The following ZNF141 variants were observed in gnomAD, a reference collection of about 807,000 sequenced individuals.
ZNF141 encodes the protein zinc finger protein 141.
In ZNF141, 7 loss-of-function variants were observed where a neutral mutation model predicts 11.3. The ratio of observed to expected loss-of-function variants is 0.62; its 90% confidence interval spans 0.35 to 1.16. The LOEUF (loss-of-function observed/expected upper bound fraction) is 1.16. Among genes scored for constraint, ZNF141 ranks in the 50% most tolerant of loss-of-function variants. The pLI, the probability that ZNF141 is intolerant of heterozygous loss-of-function variation, is 0.02. For synonymous variants in ZNF141, 183 were observed against 190.7 expected (o/e 0.96, Z 0.33); for missense variants, 535 against 554.0 (o/e 0.97, Z 0.34).
chr4:381,373 T>TA lies in ZNF141; in HGVS notation c.*7512dup, dbSNP rs1477069303. ...TAGAACTAAGAAAGAACCAAAAAGT[T>TA]ACTATTTAATACAGACTTCAAATGT... On this transcript the variant is annotated 3_prime_UTR_variant, in exon 4 of 4. Coordinates refer to ENST00000240499, the MANE Select transcript of ZNF141 (RefSeq NM_003441.4). Among the ~76,000 whole-genome samples the TA allele has an allele frequency of 6.7e-6, 1 of 150,302 alleles. No individual in the cohort carries two copies. Among genetic ancestry groups the TA allele is most frequent in the Non-Finnish European group, 1.5e-5 (1 of 67,742 alleles).
intron 3 of ZNF141, among the ~76,000 whole-genome samples, chr4:365,798 G>A (rs1460878212): frequency 1.3e-5 from 2 of 152,102 alleles, no homozygotes; most frequent in Non-Finnish European, 2.9e-5. Context: ...CTTTATTTGC[G>A]ATTGAGTTTT....
At chr4:352,974 G>C (rs144696470) in intron 3 of ZNF141, among the ~76,000 whole-genome samples, 2,026 of 152,196 alleles carry the variant, frequency 0.013, 31 homozygotes, top group South Asian at 0.087. Flanking sequence ...GAACTTGTGG[G>C]GTCTGTGCTG....
rs552733972 is a variant in ZNF141, at chr4:342,703, T to C, written c.4-1079T>C. On this transcript the variant is annotated intron_variant, in intron 1 of 3. Transcript: ENST00000240499. Reference sequence around the variant, plus strand: ...CAGTTTGAAGAGAAACCATCAGCTGTGTTCTGCCCACAGATCCTGTCCATT... The same window carrying C: ...CAGTTTGAAGAGAAACCATCAGCTGCGTTCTGCCCACAGATCCTGTCCATT... 2.1e-5 allele frequency: 21 copies of C among 980,968 alleles called. No individual in the cohort carries two copies. In the South Asian group the frequency reaches 2.8e-4, roughly 13 times the overall value. 60.8% of individuals were successfully genotyped at this position (980,968 alleles called of 1,614,324 possible).
chr4:369,764 A>ATATTTTTTTTTTTTTTTTTTTTT, intron 3 of ZNF141, among the ~76,000 whole-genome samples: 1 of 48,724 alleles, frequency 2.1e-5, no homozygotes, highest in African/African-American at 1.7e-4. Context: ...ATATATATAT[A>ATATTTTTTTTTTTTTTTTTTTTT]TTTTTTTTTT....
At chr4:348,995 T>C (rs563454634) in intron 3 of ZNF141, among the ~76,000 whole-genome samples, 43 of 152,234 alleles carry the variant, frequency 2.8e-4, no homozygotes, top group Non-Finnish European at 4.6e-4. Context: ...TGATATCTTA[T>C]TGTATTTAGT....
intron 3 of ZNF141, among the ~76,000 whole-genome samples, chr4:355,355 A>T (rs1037539830): frequency 1.3e-5 from 2 of 151,752 alleles, no homozygotes; most frequent in Non-Finnish European, 2.9e-5. Context: ...ACAGGTGCCC[A>T]CCATCACGTC....
At chr4:346,348 CTT>C (rs1198205409) in intron 3 of ZNF141, among the ~76,000 whole-genome samples, 9 of 152,044 alleles carry the variant, frequency 5.9e-5, no homozygotes, top group Admixed American at 3.9e-4. Flanking sequence ...AATTATGTAA[CTT>C]TATATTTAAT....
In ZNF141 at chr4:374,274, C is replaced by T. The variant is rs182383779; in HGVS notation, c.*412C>T. 970 of 297,178 alleles carry T rather than the reference C, an allele frequency of 3.3e-3. 12 individuals carry two copies. Among genetic ancestry groups the T allele is most frequent in the African/African-American group, 0.019 (866 of 45,246 alleles). 18.4% of individuals were successfully genotyped at this position (297,178 alleles called of 1,614,324 possible). On this transcript the variant is annotated 3_prime_UTR_variant, in exon 4 of 4. Transcript: ENST00000240499. ...CAATGCTTAATAAATATAATTCATG[C>T]TGGAGAGAAACTTCACATGTGAACC...
At position 380,638 on chromosome 4, in the gene ZNF141, G is replaced by A. The variant is rs1217293762; in HGVS notation, c.*6776G>A. 6.8e-6 allele frequency among the ~76,000 whole-genome samples: 1 copy of A among 146,932 alleles called. No homozygotes were observed. Among genetic ancestry groups the A allele is most frequent in the Non-Finnish European group, 1.5e-5 (1 of 67,510 alleles). On this transcript the variant is annotated 3_prime_UTR_variant, in exon 4 of 4. Coordinates refer to ENST00000240499, the MANE Select transcript of ZNF141 (RefSeq NM_003441.4). ...TTGCACTCCAGCCTGGGTGACAAGA[G>A]CAAAACTCCATCCCCCCTGCCCAAA...
intron 3 of ZNF141, among the ~76,000 whole-genome samples, chr4:348,250 GA>G (rs1251928489): frequency 4.6e-5 from 7 of 152,000 alleles, no homozygotes; most frequent in Admixed American, 4.6e-4. Context: ...TGTTTACTTT[GA>G]TGCAGTCTCA....
intron 1 of ZNF141, among the ~76,000 whole-genome samples, chr4:339,828 G>A (rs1553848150): frequency 6.6e-6 from 1 of 152,198 alleles, no homozygotes; most frequent in African/African-American, 2.4e-5. Flanking sequence ...GCTGCCTTCA[G>A]CAGGTACCTG....
chr4:371,281 G>T (rs1216696685), intron 3 of ZNF141, among the ~76,000 whole-genome samples: 1 of 150,364 alleles, frequency 6.7e-6, no homozygotes, highest in Non-Finnish European at 1.5e-5. Flanking sequence ...ACCCAGGCTG[G>T]AGTGCAATGG....
At position 373,404 on chromosome 4, in the gene ZNF141, T is replaced by A; in HGVS notation, c.967T>A (p.Ser323Thr). 1 of 1,614,012 alleles carries A rather than the reference T, an allele frequency of 6.2e-7. No homozygotes were observed. Among genetic ancestry groups the A allele is most frequent in the Non-Finnish European group, 8.5e-7 (1 of 1,179,994 alleles). The change falls in exon 4 of 4, where the codon TCC becomes ACC. Residue 323 changes from serine (S) to threonine (T), a missense_variant. Transcript: ENST00000240499. ...AGAATGTGGCAAAGCCTTTAATAGG[T>A]CCACAACCCTTACTAAACATAAGAG... ...CEECGKAFNRSTTLTKHKRIH... is the reference protein window; with the variant it reads ...CEECGKAFNRTTTLTKHKRIH...
intron 3 of ZNF141, among the ~76,000 whole-genome samples, chr4:367,415 G>T (rs188707555): frequency 6.6e-6 from 1 of 152,070 alleles, no homozygotes; most frequent in African/African-American, 2.4e-5. Flanking sequence ...GTGTGTGGGA[G>T]AAACACTTTT....
At chr4:361,651 G>A (rs569636946) in intron 3 of ZNF141, among the ~76,000 whole-genome samples, 1 of 152,190 alleles carries the variant, frequency 6.6e-6, no homozygotes, top group Admixed American at 6.6e-5. Context: ...CTTTGTGATA[G>A]TTTGCTCAGA....
chr4:363,716 C>T (rs1581613754), intron 3 of ZNF141, among the ~76,000 whole-genome samples: 1 of 151,638 alleles, frequency 6.6e-6, no homozygotes, highest in Non-Finnish European at 1.5e-5. Context: ...CAAGATCGTG[C>T]CACTGTACTC....
At chr4:343,091 A>T in intron 1 of ZNF141, 1 of 536,030 alleles carries the variant, frequency 1.9e-6, no homozygotes, top group East Asian at 3.6e-5. Flanking sequence ...TTGCATGATT[A>T]AAAAAGTCCT....
chr4:355,867 A>T (rs1721816485), intron 3 of ZNF141, among the ~76,000 whole-genome samples: 3 of 152,294 alleles, frequency 2.0e-5, no homozygotes, highest in African/African-American at 4.8e-5. Flanking sequence ...AGTCTTGAGG[A>T]TGATGGAAGG....
chr4:378,835 ATTTTTTTT>A lies in ZNF141; in HGVS notation c.*4993_*5000del, dbSNP rs570639890. On this transcript the variant is annotated 3_prime_UTR_variant, in exon 4 of 4. Transcript: ENST00000240499. ...GTTGAATCCAAACAGTTTCTCAGTGATTTTTTTTTTTTTTTTTTTTTTTTTTTGAGATG... is the reference window on the plus strand; with the variant it reads ...GTTGAATCCAAACAGTTTCTCAGTGATTTTTTTTTTTTTTTTTTTGAGATG... Among the ~76,000 whole-genome samples the A allele has an allele frequency of 1.5e-4, 12 of 78,606 alleles. No individual in the cohort carries two copies. The highest frequency in any genetic ancestry group is 4.8e-4 in the African/African-American group (8 of 16,530). 51.6% of individuals were successfully genotyped at this position (78,606 alleles called of 152,430 possible).
Sources: allele counts gnomAD v4.1 joint callset (sites outside exome capture counted in the v4.1 genomes callset), GRCh38; gene constraint gnomAD v4.1.1; transcripts MANE v1.5; gene names NCBI Gene and HGNC (gene_info 2026-07-23, HGNC 2026-07-21).